FBXW10: variants seen among roughly 807,000 people sequenced by gnomAD.
FBXW10 encodes F-box and WD repeat domain containing 10.
A neutral mutation model predicts 113.1 loss-of-function variants in FBXW10; 68 were observed. The observed-to-expected ratio is 0.60, with a 90% CI of 0.49 to 0.74. The LOEUF is 0.74. FBXW10 is among the 30% of genes least tolerant of loss of function. The pLI, the probability that FBXW10 is intolerant of heterozygous loss-of-function variation, is 0.00. For synonymous variants in FBXW10, 289 were observed against 481.6 expected, an observed-to-expected ratio of 0.60 and a Z score of 5.24; for missense variants, 753 against 1,284.5, an observed-to-expected ratio of 0.59 and a Z score of 6.32.
At chr17:18,763,088 A>G (rs2035418029) in intron 7 of FBXW10, among the ~76,000 whole-genome samples, 1 of 151,320 alleles carries the variant, frequency 6.6e-6, no homozygotes, top group Non-Finnish European at 1.5e-5. Context: ...TAACATATCC[A>G]AAAAACTACA....
chr17:18,758,456 T>C lies in FBXW10; in HGVS notation c.1384T>C (p.Cys462Arg). ...TGGGAGTGTCCGGGCCCTCTTCCTGTGTGAGGAGGAAAACTTTCTCCTAAG... is the reference window on the plus strand; with the variant it reads ...TGGGAGTGTCCGGGCCCTCTTCCTGCGTGAGGAGGAAAACTTTCTCCTAAG... ...HAGSVRALFLCEEENFLLSGS... is the reference protein window; with the variant it reads ...HAGSVRALFLREEENFLLSGS... Residue 462 changes from cysteine (C) to arginine (R), a missense_variant, in exon 7 of 14, where the codon TGT becomes CGT. Coordinates refer to ENST00000395665, the MANE Select transcript of FBXW10 (RefSeq NM_001267585.2). 4 of 1,611,382 alleles carry C rather than the reference T, an allele frequency of 2.5e-6. No homozygotes were observed. Among genetic ancestry groups the C allele is most frequent in the Non-Finnish European group, 3.4e-6 (4 of 1,179,128 alleles).
At chr17:18,761,311 G>A (rs1206147475) in intron 7 of FBXW10, among the ~76,000 whole-genome samples, 1 of 151,290 alleles carries the variant, frequency 6.6e-6, no homozygotes, top group African/African-American at 2.4e-5. Flanking sequence ...TCTCGCCCAG[G>A]CTAGAGTGCA....
At chr17:18,765,069 A>C (rs2035467641) in intron 8 of FBXW10, among the ~76,000 whole-genome samples, 1 of 152,190 alleles carries the variant, frequency 6.6e-6, no homozygotes, top group Non-Finnish European at 1.5e-5. Context: ...ACCTACAACA[A>C]GCTACACACT....
At chr17:18,774,261 A>G (rs755777437) in intron 12 of FBXW10, among the ~76,000 whole-genome samples, 16 of 152,240 alleles carry the variant, frequency 1.1e-4, no homozygotes, top group Admixed American at 3.3e-4. Context: ...TCTGGAAGGA[A>G]TGGTCACGCA....
At chr17:18,761,566 C>T (rs2035387134) in intron 7 of FBXW10, among the ~76,000 whole-genome samples, 1 of 152,056 alleles carries the variant, frequency 6.6e-6, no homozygotes, top group Non-Finnish European at 1.5e-5. Context: ...CGCCCGGCCT[C>T]ACTTTTCTTT....
chr17:18,772,756 A>T lies in FBXW10; in HGVS notation c.2278+73A>T, dbSNP rs1192658403. The T allele has an allele frequency of 6.1e-6, 8 of 1,310,522 alleles. No individual in the cohort carries two copies. In the East Asian group the frequency reaches 1.6e-4, roughly 27 times the overall value. 81.2% of individuals were successfully genotyped at this position (1,310,522 alleles called of 1,614,324 possible). On this transcript the variant is annotated intron_variant, in intron 12 of 13. Transcript: ENST00000395665. ...GTCGGGGTTTGGTGGGGGTGGTGGG[A>T]GACGGGGAGGACTGGTTCGTTTGTG...
intron 5 of FBXW10, among the ~76,000 whole-genome samples, chr17:18,752,560 A>C (rs548466922): frequency 4.6e-5 from 7 of 151,926 alleles, no homozygotes; most frequent in Non-Finnish European, 5.9e-5. Context: ...TAAAAATACA[A>C]AAAATTAGCC....
chr17:18,748,063 G>T lies in FBXW10; in HGVS notation c.628G>T (p.Ala210Ser). 1 of 1,613,752 alleles carries T rather than the reference G, an allele frequency of 6.2e-7. No individual in the cohort carries two copies. Among genetic ancestry groups the T allele is most frequent in the Non-Finnish European group, 8.5e-7 (1 of 1,179,838 alleles). ...TQHTSLPLSK[A>S]PENEHLLGAA... ...GCACACATCCCTTCCTTTGTCCAAA[G>T]CCCCAGAAAATGAACACTTGCTTGG... The change falls in exon 2 of 14, where the codon GCC becomes TCC. Residue 210 changes from alanine (A) to serine (S), a missense_variant. Coordinates refer to ENST00000395665, the MANE Select transcript of FBXW10 (RefSeq NM_001267585.2).
chr17:18,748,452 A>G (rs1467944224), intron 2 of FBXW10, among the ~76,000 whole-genome samples: 1 of 149,334 alleles, frequency 6.7e-6, no homozygotes, highest in Non-Finnish European at 1.5e-5. Flanking sequence ...TATGCAACCA[A>G]TGTGAGATTG....
chr17:18,775,234 A>G (rs373308289), intron 13 of FBXW10, 42 bp downstream of exon 13: 1 of 1,383,476 alleles, frequency 7.2e-7, no homozygotes, highest in South Asian at 1.2e-5. Flanking sequence ...AACAAGTGGC[A>G]CGGATGGTGG....
chr17:18,757,239 A>G (rs953455817), intron 6 of FBXW10, among the ~76,000 whole-genome samples: 15 of 152,130 alleles, frequency 9.9e-5, no homozygotes, highest in Non-Finnish European at 2.9e-5. Context: ...GCTGGGCTGC[A>G]GTGGTGCAAT....
At chr17:18,762,496 T>G (rs1428453092) in intron 7 of FBXW10, among the ~76,000 whole-genome samples, 2 of 150,424 alleles carry the variant, frequency 1.3e-5, no homozygotes, top group African/African-American at 4.9e-5. Flanking sequence ...AATGTTTTTT[T>G]GTATTTTAGT....
chr17:18,770,010 A>G lies in FBXW10; in HGVS notation c.1931A>G (p.Asn644Ser), dbSNP rs750484981. The G allele has an allele frequency of 8.1e-6, 13 of 1,614,046 alleles. No homozygotes were observed. Among genetic ancestry groups the G allele is most frequent in the South Asian group, 7.7e-5 (7 of 91,092 alleles). Residue 644 changes from asparagine (N) to serine (S), a missense_variant, in exon 11 of 14, where the codon AAC becomes AGC. Physicochemically the swap from Asn to Ser is conservative, Grantham distance 46. Coordinates refer to ENST00000395665, the MANE Select transcript of FBXW10 (RefSeq NM_001267585.2). ...DGKIRIYNFL[N>S]GNCMKVLKAN... ...AAGATCCGAATTTACAATTTCCTCA[A>G]CGGGAACTGTATGAAGGTGTTAAAA...
chr17:18,762,322 T>A (rs1328424392), intron 7 of FBXW10, among the ~76,000 whole-genome samples: 1 of 148,880 alleles, frequency 6.7e-6, no homozygotes, highest in East Asian at 1.9e-4. Context: ...TATTATCTTT[T>A]TTTTTTTTTT....
intron 5 of FBXW10, among the ~76,000 whole-genome samples, chr17:18,752,852 AAG>A (rs2035195091): frequency 6.6e-6 from 1 of 152,174 alleles, no homozygotes. Flanking sequence ...AGCTGAGTGA[AAG>A]AGGCATTCAT....
At chr17:18,773,648 A>G (rs1257687174) in intron 12 of FBXW10, among the ~76,000 whole-genome samples, 1 of 152,244 alleles carries the variant, frequency 6.6e-6, no homozygotes, top group Non-Finnish European at 1.5e-5. Flanking sequence ...AGATCTATAG[A>G]GAACAATGAT....
At chr17:18,753,189 G>A (rs1456526593) in intron 5 of FBXW10, among the ~76,000 whole-genome samples, 1 of 152,130 alleles carries the variant, frequency 6.6e-6, no homozygotes, top group African/African-American at 2.4e-5. Context: ...GGAAGTGGGG[G>A]GACAGTCTCT....
chr17:18,759,866 C>T (rs1211259660), intron 7 of FBXW10, among the ~76,000 whole-genome samples: 14 of 152,272 alleles, frequency 9.2e-5, no homozygotes, highest in South Asian at 4.1e-4. Context: ...CCACCCGCCT[C>T]GGCCTCCTAA....
intron 6 of FBXW10, among the ~76,000 whole-genome samples, chr17:18,757,507 C>T (rs918925959): frequency 1.3e-5 from 2 of 152,190 alleles, no homozygotes; most frequent in African/African-American, 4.8e-5. Context: ...CCAGGTTGGG[C>T]GTGGTGGCTC....
Sources: allele counts gnomAD v4.1 joint callset (sites outside exome capture counted in the v4.1 genomes callset), GRCh38; gene constraint gnomAD v4.1.1; transcripts MANE v1.5; gene names NCBI Gene and HGNC (gene_info 2026-07-23, HGNC 2026-07-21).